CCDC146: variants seen among roughly 807,000 people sequenced by gnomAD.
CCDC146 encodes the protein coiled-coil domain-containing protein 146.
Under a neutral mutation model 119.3 loss-of-function variants are expected in CCDC146, and 92 were observed. That is an observed-to-expected ratio of 0.77 (90% CI 0.65 to 0.92). CCDC146 has a LOEUF of 0.92. Ranked by LOEUF, CCDC146 falls within the 40% of genes least tolerant of loss-of-function variation. CCDC146 has a pLI of 0.00. For missense variants in CCDC146, 1,000 were observed against 1,103.0 expected (o/e 0.91, Z 1.32); for synonymous variants, 372 against 371.8 (o/e 1.00, Z -0.01).
intron 2 of CCDC146, among the ~76,000 whole-genome samples, chr7:77,190,605 C>T (rs1017070036): frequency 6.6e-6 from 1 of 152,190 alleles, no homozygotes; most frequent in African/African-American, 2.4e-5. Context: ...CTTCAAAAAG[C>T]AAGGGGGGGC....
intron 1 of CCDC146, among the ~76,000 whole-genome samples, chr7:77,148,226 C>A (rs1262179532): frequency 6.6e-6 from 1 of 152,194 alleles, no homozygotes; most frequent in Non-Finnish European, 1.5e-5. Context: ...GGGATATAAT[C>A]TCCTGGTGTG....
chr7:77,160,171 G>C (rs1158942521), intron 1 of CCDC146, among the ~76,000 whole-genome samples: 2 of 152,134 alleles, frequency 1.3e-5, no homozygotes, highest in Non-Finnish European at 2.9e-5. Context: ...GGTTACTGTA[G>C]CCTTGTAGTA....
intron 2 of CCDC146, chr7:77,193,833 A>T (rs919330040): frequency 1.2e-4 from 19 of 152,614 alleles, no homozygotes; most frequent in Non-Finnish European, 1.5e-5. Flanking sequence ...TGGAACCAAG[A>T]CAAGATTCTA....
intron 1 of CCDC146, among the ~76,000 whole-genome samples, chr7:77,141,021 C>T (rs1790924570): frequency 6.6e-6 from 1 of 152,072 alleles, no homozygotes; most frequent in African/African-American, 2.4e-5. Flanking sequence ...CTGAACCCAT[C>T]AACCTGTCAT....
At chr7:77,217,549 A>G (rs1479380566) in intron 2 of CCDC146, among the ~76,000 whole-genome samples, 1 of 132,654 alleles carries the variant, frequency 7.5e-6, no homozygotes, top group Non-Finnish European at 1.7e-5. Context: ...AACTATATAT[A>G]CATATATATA....
chr7:77,181,660 A>G (rs1584047853), intron 2 of CCDC146, among the ~76,000 whole-genome samples: 1 of 152,148 alleles, frequency 6.6e-6, no homozygotes, highest in East Asian at 1.9e-4. Flanking sequence ...TTGTACATTC[A>G]TAGGAACTCT....
intron 3 of CCDC146, 79 bp downstream of exon 3, chr7:77,237,108 A>C (rs1178681566): frequency 1.7e-6 from 2 of 1,164,080 alleles, no homozygotes; most frequent in Non-Finnish European, 2.6e-6. Flanking sequence ...CTTCATTTGC[A>C]TTCCCCCATA....
intron 2 of CCDC146, among the ~76,000 whole-genome samples, chr7:77,205,199 C>T (rs1199510103): frequency 6.6e-6 from 1 of 152,106 alleles, no homozygotes; most frequent in Non-Finnish European, 1.5e-5. Flanking sequence ...TAGTTGTTTC[C>T]TATAAAGTCA....
chr7:77,236,827 C>T, intron 2 of CCDC146, 120 bp from the exon 3 acceptor site: 1 of 714,986 alleles, frequency 1.4e-6, no homozygotes, highest in Non-Finnish European at 2.4e-6. Context: ...CACTACATTG[C>T]CTCGTGTATC....
Position 77,198,968 on chromosome 7 carries a change from T to C in CCDC146, c.156+31144T>C. 9.1e-6 allele frequency: 5 copies of C among 549,724 alleles called. 2 individuals carry two copies. In the South Asian group the frequency reaches 1.4e-4, roughly 15 times the overall value. 34.1% of individuals were successfully genotyped at this position (549,724 alleles called of 1,614,324 possible). On this transcript the variant is annotated intron_variant, in intron 2 of 18. Coordinates refer to ENST00000285871, the MANE Select transcript of CCDC146 (RefSeq NM_020879.3). ...TAAGATCTTAAAATTGAAAGTGACT[T>C]CCAGTGGATACAGAACTAACTATGA...
chr7:77,279,147 A>G, intron 13 of CCDC146, 46 bp downstream of exon 13: 1 of 1,584,722 alleles, frequency 6.3e-7, no homozygotes, highest in Non-Finnish European at 8.6e-7. Flanking sequence ...TTGTTTTCTG[A>G]TTCATTTGAA....
At position 77,125,173 on chromosome 7, in the gene CCDC146, G is replaced by A. The variant is rs148685881; in HGVS notation, c.-12+2441G>A. Among the ~76,000 whole-genome samples the A allele has an allele frequency of 4.7e-3, 717 of 151,750 alleles. 12 individuals carry two copies. The highest frequency in any genetic ancestry group is 0.016 in the African/African-American group (670 of 41,084). ...CACACCACTGCACTCCAGCCTGGGCGGCAAGAGTGAAACTCTGTCTCAATA... is the reference window on the plus strand; with the variant it reads ...CACACCACTGCACTCCAGCCTGGGCAGCAAGAGTGAAACTCTGTCTCAATA... On this transcript the variant is annotated intron_variant, in intron 1 of 18. Transcript: ENST00000285871.
intron 5 of CCDC146, among the ~76,000 whole-genome samples, chr7:77,255,714 C>CTA (rs1378760174): frequency 6.6e-6 from 1 of 152,122 alleles, no homozygotes; most frequent in African/African-American, 2.4e-5. Flanking sequence ...GTGTAAGAAG[C>CTA]CTTCTCTCCC....
chr7:77,242,819 A>G (rs1584105131), intron 4 of CCDC146, among the ~76,000 whole-genome samples: 1 of 137,432 alleles, frequency 7.3e-6, no homozygotes, highest in Non-Finnish European at 1.5e-5. Flanking sequence ...GACTTGAGCA[A>G]CCTCTCAAAG....
At chr7:77,221,430 T>C (rs1792401322) in intron 2 of CCDC146, among the ~76,000 whole-genome samples, 3 of 152,248 alleles carry the variant, frequency 2.0e-5, no homozygotes, top group Admixed American at 2.0e-4. Context: ...TTTTCCTTCA[T>C]ACACAGGCAT....
At chr7:77,126,858 G>T (rs1204408715) in intron 1 of CCDC146, among the ~76,000 whole-genome samples, 1 of 152,130 alleles carries the variant, frequency 6.6e-6, no homozygotes, top group East Asian at 1.9e-4. Context: ...AAACTGGTAT[G>T]CAGGACCAGC....
intron 2 of CCDC146, among the ~76,000 whole-genome samples, chr7:77,197,313 C>G (rs1791892872): frequency 6.6e-6 from 1 of 152,224 alleles, no homozygotes; most frequent in South Asian, 2.1e-4. Context: ...AGGCATGCTG[C>G]CAGACTGGGT....
chr7:77,248,362 G>A (rs1584109423), intron 4 of CCDC146, among the ~76,000 whole-genome samples: 1 of 152,162 alleles, frequency 6.6e-6, no homozygotes, highest in East Asian at 1.9e-4. Context: ...CAAAAGCCCT[G>A]ACGTCACCAC....
At chr7:77,190,002 C>G (rs1791735041) in intron 2 of CCDC146, among the ~76,000 whole-genome samples, 1 of 152,132 alleles carries the variant, frequency 6.6e-6, no homozygotes, top group Admixed American at 6.5e-5. Context: ...TCTCTACTAC[C>G]CGCTGCATGA....
Sources: allele counts gnomAD v4.1 joint callset (sites outside exome capture counted in the v4.1 genomes callset), GRCh38; gene constraint gnomAD v4.1.1; transcripts MANE v1.5; gene names NCBI Gene and HGNC (gene_info 2026-07-23, HGNC 2026-07-21).